The following CHRM3 variants were observed in gnomAD, a reference collection of about 807,000 sequenced individuals.
CHRM3 encodes cholinergic receptor muscarinic 3, also known as muscarinic acetylcholine receptor M3.
CHRM3 carries 11 observed loss-of-function variants against 41.8 expected under a neutral mutation model. The ratio of observed to expected loss-of-function variants is 0.26; its 90% CI spans 0.17 to 0.44. The LOEUF (loss-of-function observed/expected upper bound fraction) is 0.44, where lower values mean the gene tolerates loss of function less well. CHRM3 is among the 20% of genes least tolerant of loss of function. The pLI, the probability that CHRM3 is intolerant of heterozygous loss-of-function variation, is 1.00. For synonymous variants in CHRM3, 297 were observed against 301.4 expected (o/e 0.99, Z 0.15); for missense variants, 571 against 745.4 (o/e 0.77, Z 2.72).
chr1:239,638,095 C>T (rs1211034079), intron 4 of CHRM3, among the ~76,000 whole-genome samples: 3 of 151,542 alleles, frequency 2.0e-5, no homozygotes, highest in East Asian at 3.9e-4. Flanking sequence ...CATGAACTCA[C>T]CATTTTTTAT....
intron 1 of CHRM3, among the ~76,000 whole-genome samples, chr1:239,479,190 C>CCA (rs56202845): frequency 0.24 from 33,453 of 139,618 alleles, 3,874 homozygotes; most frequent in Middle Eastern, 0.32. Flanking sequence ...TTTCAAAAAA[C>CCA]CACACACACA....
intron 2 of CHRM3, among the ~76,000 whole-genome samples, chr1:239,512,266 G>A (rs1189925648): frequency 6.6e-6 from 1 of 152,198 alleles, no homozygotes. Context: ...GTCGAGTTCA[G>A]GGCTAGCAGT....
chr1:239,581,855 T>C (rs1191844051), intron 3 of CHRM3, among the ~76,000 whole-genome samples: 2 of 152,178 alleles, frequency 1.3e-5, no homozygotes, highest in Non-Finnish European at 2.9e-5. Context: ...CTTTTCTGAA[T>C]AGAAGTTAGG....
At chr1:239,657,506 T>G (rs1345837075) in intron 4 of CHRM3, among the ~76,000 whole-genome samples, 1 of 152,164 alleles carries the variant, frequency 6.6e-6, no homozygotes, top group Non-Finnish European at 1.5e-5. Context: ...ACAAAGAAGG[T>G]TCAGCAGTTA....
intron 3 of CHRM3, among the ~76,000 whole-genome samples, chr1:239,629,809 ATAAT>A (rs1036280997): frequency 3.3e-5 from 5 of 152,190 alleles, no homozygotes; most frequent in Admixed American, 2.0e-4. Context: ...CTGGCCTTCC[ATAAT>A]TATTCTGTCT....
At chr1:239,864,006 G>A (rs1034062391) in intron 6 of CHRM3, among the ~76,000 whole-genome samples, 19 of 149,948 alleles carry the variant, frequency 1.3e-4, no homozygotes, top group African/African-American at 4.7e-4. Flanking sequence ...AAAGACCTTA[G>A]AAGAAAAATA....
chr1:239,430,708 C>T (rs1262204702), intron 1 of CHRM3, among the ~76,000 whole-genome samples: 1 of 151,400 alleles, frequency 6.6e-6, no homozygotes, highest in Non-Finnish European at 1.5e-5. Context: ...CACATACACA[C>T]ACATATGTAT....
chr1:239,706,673 T>C (rs1434593192), intron 5 of CHRM3, among the ~76,000 whole-genome samples: 1 of 145,020 alleles, frequency 6.9e-6, no homozygotes, highest in African/African-American at 2.7e-5. Context: ...CACTTGCATG[T>C]ACACACACGG....
intron 1 of CHRM3, among the ~76,000 whole-genome samples, chr1:239,443,890 G>A (rs192475463): frequency 2.0e-5 from 3 of 152,312 alleles, no homozygotes; most frequent in African/African-American, 7.2e-5. Flanking sequence ...CCACATTGGA[G>A]TCTTCCTTCA....
At chr1:239,469,203 G>A (rs1330251007) in intron 1 of CHRM3, among the ~76,000 whole-genome samples, 1 of 152,242 alleles carries the variant, frequency 6.6e-6, no homozygotes, top group African/African-American at 2.4e-5. Flanking sequence ...TAGAGGGTCA[G>A]ATGATACAAT....
chr1:239,592,373 G>T (rs888311148), intron 3 of CHRM3, among the ~76,000 whole-genome samples: 1 of 151,840 alleles, frequency 6.6e-6, no homozygotes, highest in East Asian at 1.9e-4. Context: ...TGTAACTATC[G>T]CAATTAATTT....
At chr1:239,843,732 G>A (rs1266149689) in intron 6 of CHRM3, among the ~76,000 whole-genome samples, 2 of 152,070 alleles carry the variant, frequency 1.3e-5, no homozygotes, top group African/African-American at 4.8e-5. Context: ...GAAAGAGGAA[G>A]AAGCAGGTAA....
intron 5 of CHRM3, among the ~76,000 whole-genome samples, chr1:239,778,648 C>A (rs1668285147): frequency 6.6e-6 from 1 of 152,212 alleles, no homozygotes; most frequent in Non-Finnish European, 1.5e-5. Context: ...ACAAAGACTG[C>A]ATATCCTTTT....
chr1:239,602,627 G>C (rs1442461908), intron 3 of CHRM3, among the ~76,000 whole-genome samples: 1 of 151,500 alleles, frequency 6.6e-6, no homozygotes, highest in Admixed American at 6.6e-5. Flanking sequence ...ACTTTACTAA[G>C]CATCTACACA....
At chr1:239,880,719 C>T (rs1005974975) in intron 6 of CHRM3, among the ~76,000 whole-genome samples, 1 of 152,110 alleles carries the variant, frequency 6.6e-6, no homozygotes, top group Admixed American at 6.5e-5. Context: ...TGGTCTCAAA[C>T]TCCTGGCCTA....
intron 2 of CHRM3, among the ~76,000 whole-genome samples, chr1:239,496,287 A>G (rs749817378): frequency 1.4e-4 from 21 of 152,088 alleles, no homozygotes; most frequent in African/African-American, 3.9e-4. Flanking sequence ...CAAGATTTGG[A>G]GAGGCTAAAC....
chr1:239,564,340 A>G (rs1661155297), intron 3 of CHRM3, among the ~76,000 whole-genome samples: 2 of 152,206 alleles, frequency 1.3e-5, no homozygotes, highest in South Asian at 2.1e-4. Context: ...TATCCAAAAG[A>G]TAAGAGAACT....
chr1:239,612,027 G>T (rs1572922474), intron 3 of CHRM3, among the ~76,000 whole-genome samples: 2 of 152,126 alleles, frequency 1.3e-5, no homozygotes, highest in African/African-American at 4.8e-5. Flanking sequence ...GGGAGCTCAG[G>T]TTGCTCTGCC....
At chr1:239,697,934 A>G (rs968577159) in intron 5 of CHRM3, among the ~76,000 whole-genome samples, 4 of 152,182 alleles carry the variant, frequency 2.6e-5, no homozygotes, top group Admixed American at 2.6e-4. Context: ...CATTTTCTTC[A>G]TACTTGTGGC....
Sources: gnomAD v4.1 joint callset for allele counts (sites outside exome capture counted in the v4.1 genomes callset) on GRCh38, gnomAD v4.1.1 for gene constraint, MANE v1.5 for transcripts, NCBI Gene and HGNC (gene_info 2026-07-23, HGNC 2026-07-21) for gene names.